The following HPSE2 variants were observed in gnomAD, a reference collection of about 807,000 sequenced individuals.
The protein encoded by HPSE2 is heparanase 2 (inactive), also known as inactive heparanase-2.
Under a neutral mutation model 60.5 loss-of-function variants are expected in HPSE2, and 38 were observed. That is an observed-to-expected ratio of 0.63 (90% CI 0.48 to 0.82). The LOEUF (loss-of-function observed/expected upper bound fraction) is 0.82, where lower values mean the gene tolerates loss of function less well. Among genes scored for constraint, HPSE2 ranks in the 40% least tolerant of loss-of-function variants. The probability of loss-of-function intolerance (pLI) is 0.00; values close to 1 mark genes in which losing one functional copy is unlikely to be tolerated. For missense variants in HPSE2, 713 were observed against 740.4 expected (o/e 0.96, Z 0.43); for synonymous variants, 295 against 293.2 (o/e 1.01, Z -0.06).
At chr10:98,963,679 T>C (rs1955740170) in intron 3 of HPSE2, among the ~76,000 whole-genome samples, 1 of 152,168 alleles carries the variant, frequency 6.6e-6, no homozygotes, top group South Asian at 2.1e-4. Context: ...CCAAACTTTT[T>C]CCAAGTAGAG....
chr10:98,757,878 C>T (rs1195671357), intron 3 of HPSE2, among the ~76,000 whole-genome samples: 1 of 151,950 alleles, frequency 6.6e-6, no homozygotes, highest in African/African-American at 2.4e-5. Flanking sequence ...ACCCAAATAG[C>T]CAAAGCAATC....
intron 3 of HPSE2, among the ~76,000 whole-genome samples, chr10:98,982,704 G>C (rs559700582): frequency 3.0e-4 from 46 of 151,910 alleles, no homozygotes; most frequent in African/African-American, 1.1e-3. Context: ...ATCAACTGAG[G>C]ATAGGAAACT....
chr10:99,010,569 C>CA (rs2135398534), intron 3 of HPSE2, among the ~76,000 whole-genome samples: 1 of 152,252 alleles, frequency 6.6e-6, no homozygotes, highest in African/African-American at 2.4e-5. Context: ...GATGACTGGG[C>CA]AACTTCATGG....
intron 11 of HPSE2, among the ~76,000 whole-genome samples, chr10:98,462,791 C>T (rs986981485): frequency 1.3e-5 from 2 of 152,122 alleles, no homozygotes; most frequent in Admixed American, 1.3e-4. Context: ...CTGCTCTCAC[C>T]CTTGACTTCG....
chr10:98,976,971 C>T (rs1433038522), intron 3 of HPSE2, among the ~76,000 whole-genome samples: 2 of 151,960 alleles, frequency 1.3e-5, no homozygotes, highest in African/African-American at 2.4e-5. Flanking sequence ...AGTGATGCAC[C>T]CACAAGCCAA....
intron 2 of HPSE2, among the ~76,000 whole-genome samples, chr10:99,205,143 G>A (rs1307099618): frequency 6.6e-6 from 1 of 152,142 alleles, no homozygotes; most frequent in Non-Finnish European, 1.5e-5. Flanking sequence ...TGGTTACAAT[G>A]TTCACTATTT....
chr10:99,158,951 C>G (rs1176292310), intron 2 of HPSE2, among the ~76,000 whole-genome samples: 2 of 151,868 alleles, frequency 1.3e-5, no homozygotes, highest in Non-Finnish European at 2.9e-5. Context: ...AACAGTCAAT[C>G]AAAAGAGAGA....
intron 3 of HPSE2, among the ~76,000 whole-genome samples, chr10:99,121,794 T>G (rs1189198531): frequency 6.6e-6 from 1 of 152,130 alleles, no homozygotes; most frequent in East Asian, 1.9e-4. Flanking sequence ...CAATCACACT[T>G]CTAGGAATTG....
At chr10:99,220,292 A>G (rs1849265094) in intron 2 of HPSE2, among the ~76,000 whole-genome samples, 1 of 152,166 alleles carries the variant, frequency 6.6e-6, no homozygotes, top group Admixed American at 6.5e-5. Context: ...TAAAAAAAAA[A>G]GTACCAATGA....
At chr10:98,676,758 G>C (rs1589620886) in intron 6 of HPSE2, among the ~76,000 whole-genome samples, 1 of 152,078 alleles carries the variant, frequency 6.6e-6, no homozygotes, top group East Asian at 1.9e-4. Context: ...AGGTCCAAGG[G>C]AGTTAGACAG....
At chr10:99,134,087 C>T (rs1046533014) in intron 3 of HPSE2, among the ~76,000 whole-genome samples, 5 of 152,078 alleles carry the variant, frequency 3.3e-5, no homozygotes, top group African/African-American at 9.7e-5. Context: ...ACACAAGTTT[C>T]AATAGCTGAA....
At chr10:99,206,432 G>C (rs1848748135) in intron 2 of HPSE2, among the ~76,000 whole-genome samples, 2 of 151,792 alleles carry the variant, frequency 1.3e-5, no homozygotes, top group Non-Finnish European at 2.9e-5. Context: ...GAAACCCAAT[G>C]TCTACAAAAA....
chr10:98,514,340 T>A (rs1160352846), intron 9 of HPSE2, among the ~76,000 whole-genome samples: 2 of 152,132 alleles, frequency 1.3e-5, no homozygotes, highest in South Asian at 4.1e-4. Flanking sequence ...ATTTTGGAAA[T>A]AGCTAGTAGA....
At chr10:98,622,733 G>C (rs1038817119) in intron 7 of HPSE2, among the ~76,000 whole-genome samples, 1 of 152,168 alleles carries the variant, frequency 6.6e-6, no homozygotes, top group Non-Finnish European at 1.5e-5. Flanking sequence ...AACGGTGGTG[G>C]TCAATAGCAT....
chr10:98,554,149 T>C (rs74156634), intron 9 of HPSE2, among the ~76,000 whole-genome samples: 10,064 of 152,200 alleles, frequency 0.066, 1,099 homozygotes, highest in African/African-American at 0.23. Context: ...AGGCTCAGAC[T>C]CAACCTGTCC....
intron 3 of HPSE2, among the ~76,000 whole-genome samples, chr10:98,846,829 T>C (rs4285803): frequency 0.84 from 128,317 of 152,160 alleles, 54,384 homozygotes; most frequent in African/African-American, 0.91. Flanking sequence ...GCCTCAGCCT[T>C]CCAAGTAGCT....
chr10:98,919,691 C>A (rs546679785), intron 3 of HPSE2, among the ~76,000 whole-genome samples: 1 of 152,002 alleles, frequency 6.6e-6, no homozygotes, highest in Non-Finnish European at 1.5e-5. Flanking sequence ...CATATCAGAA[C>A]AGAAATCTGA....
rs1439349995 is a variant in HPSE2 at position 98,714,478 on chromosome 10, C to T, written c.956+7179G>A. Among the ~76,000 whole-genome samples, 3 of 151,838 alleles carry T rather than the reference C, an allele frequency of 2.0e-5. No individual in the cohort carries two copies. In the East Asian group the frequency reaches 5.8e-4, roughly 29 times the overall value. On this transcript the variant is annotated intron_variant, in intron 5 of 11. Transcript: ENST00000370552. ...ACAATGTATGGCCTTTTGTGACTGG[C>T]TTCCTTCAGTGACCATAATATTTTT...
chr10:99,292,958 A>G, the HPSE2 span, among the ~76,000 whole-genome samples: 1 of 151,750 alleles, frequency 6.6e-6, no homozygotes, highest in Non-Finnish European at 1.5e-5. Context: ...GCCTCCCCAA[A>G]CCCTTCCTTG....
Sources: gnomAD v4.1 joint callset for allele counts (sites outside exome capture counted in the v4.1 genomes callset) on GRCh38, gnomAD v4.1.1 for gene constraint, MANE v1.5 for transcripts, NCBI Gene and HGNC (gene_info 2026-07-23, HGNC 2026-07-21) for gene names.